DLG5: variants seen among roughly 807,000 people sequenced by gnomAD.
DLG5 encodes disks large homolog 5.
DLG5 carries 48 observed loss-of-function variants against 189.8 expected under a neutral mutation model. That is an observed-to-expected ratio of 0.25 (90% CI 0.20 to 0.32). DLG5 has a LOEUF of 0.32. Ranked by LOEUF, DLG5 falls within the 10% of genes least tolerant of loss-of-function variation. The pLI is 1.00. For missense variants in DLG5, 2,160 were observed against 2,544.7 expected (o/e 0.85, Z 3.25); for synonymous variants, 1,016 against 1,054.1 (o/e 0.96, Z 0.70).
At chr10:77,829,007 T>C in intron 12 of DLG5, 22 bp from the exon 13 acceptor site, 1 of 1,612,280 alleles carries the variant, frequency 6.2e-7, no homozygotes, top group Non-Finnish European at 8.5e-7. Context: ...AGGAGGTCAC[T>C]GGGTAGCCCC....
Position 77,854,308 on chromosome 10 carries a change from G to C in DLG5, c.599C>G (p.Ser200Trp). Reference sequence around the variant, plus strand: ...CTGGTTCTGCAGGCTCTGCAGGTCCGACATGGCTCGCACGCACTGGATCTT... The same window carrying C: ...CTGGTTCTGCAGGCTCTGCAGGTCCCACATGGCTCGCACGCACTGGATCTT... ...RLKIQCVRAM[S>W]DLQSLQNQHT... The change falls in exon 4 of 32, where the codon TCG (serine) becomes TGG (tryptophan). Residue 200 changes from serine to tryptophan, a missense_variant. Ser to Trp is a radical substitution (Grantham distance 177). Coordinates refer to ENST00000372391, the MANE Select transcript of DLG5 (RefSeq NM_004747.4). 6.2e-7 allele frequency: 1 copy of C among 1,614,170 alleles called. No individual in the cohort carries two copies. Among genetic ancestry groups the C allele is most frequent in the Non-Finnish European group, 8.5e-7 (1 of 1,180,038 alleles).
intron 2 of DLG5, chr10:77,866,818 T>C: frequency 5.4e-6 from 2 of 368,354 alleles, no homozygotes; most frequent in East Asian, 7.4e-5. Flanking sequence ...CATTTCCTGA[T>C]TGGTTAAGGT....
At chr10:77,811,281 A>C in intron 22 of DLG5, 47 bp from the exon 23 acceptor site, 10 of 1,582,640 alleles carry the variant, frequency 6.3e-6, no homozygotes, top group Non-Finnish European at 8.6e-6. Flanking sequence ...GAAGCCACCC[A>C]GAGCCACCCC....
rs956032283 is a variant in DLG5 at position 77,817,701 on chromosome 10, A to T, written c.3784+76T>A. On this transcript the variant is annotated intron_variant, in intron 18 of 31. Coordinates refer to ENST00000372391, the MANE Select transcript of DLG5 (RefSeq NM_004747.4). Reference sequence around the variant, plus strand: ...GCTCGTGTGGGGAGCCCACCCGCAGATCTGGACATTAGGATGCAGGCAGAG... The same window carrying T: ...GCTCGTGTGGGGAGCCCACCCGCAGTTCTGGACATTAGGATGCAGGCAGAG... 35 of 1,336,324 alleles carry T rather than the reference A, an allele frequency of 2.6e-5. No homozygotes were observed. In the African/African-American group the frequency reaches 4.2e-4, roughly 16 times the overall value. 82.8% of individuals were successfully genotyped at this position (1,336,324 alleles called of 1,614,324 possible).
At chr10:77,853,644 G>A (rs939875847) in intron 4 of DLG5, 107 bp from the exon 5 acceptor site, 62 of 1,175,684 alleles carry the variant, frequency 5.3e-5, no homozygotes, top group Middle Eastern at 3.0e-4. Context: ...TAGATACAGC[G>A]GACAGGAGCC....
At chr10:77,878,507 G>A (rs942246034) in intron 1 of DLG5, among the ~76,000 whole-genome samples, 1 of 152,154 alleles carries the variant, frequency 6.6e-6, no homozygotes, top group Non-Finnish European at 1.5e-5. Flanking sequence ...GAAGGGACCT[G>A]GAGGACAGTC....
chr10:77,827,175 T>C (rs566969508), intron 13 of DLG5, among the ~76,000 whole-genome samples: 1 of 152,342 alleles, frequency 6.6e-6, no homozygotes, highest in South Asian at 2.1e-4. Flanking sequence ...CCTTTTGTAC[T>C]ACTGGAATTT....
chr10:77,819,291 T>C, intron 17 of DLG5, 30 bp downstream of exon 17: 1 of 1,613,040 alleles, frequency 6.2e-7, no homozygotes. Flanking sequence ...GCAGCTGGAG[T>C]ACAGAGAAGC....
intron 2 of DLG5, among the ~76,000 whole-genome samples, 191 bp from the exon 3 acceptor site, chr10:77,857,083 C>T (rs976442032): frequency 6.6e-6 from 1 of 152,114 alleles, no homozygotes; most frequent in Admixed American, 6.5e-5. Context: ...GAGTGCAGGG[C>T]ATCTGGCTCC....
intron 1 of DLG5, among the ~76,000 whole-genome samples, chr10:77,902,886 T>A (rs977266510): frequency 2.7e-5 from 4 of 149,172 alleles, no homozygotes; most frequent in Admixed American, 6.7e-5. Context: ...AATAAATAAA[T>A]AAATAAATAA....
At chr10:77,875,506 G>T (rs941813131) in intron 1 of DLG5, among the ~76,000 whole-genome samples, 2 of 137,606 alleles carry the variant, frequency 1.5e-5, no homozygotes, top group African/African-American at 2.5e-5. Flanking sequence ...CAAGTGGGAA[G>T]AAAGAGAAGG....
At chr10:77,793,652 C>CCACACTGCTGG (rs1391893575) in intron 31 of DLG5, 6 of 266,012 alleles carry the variant, frequency 2.3e-5, no homozygotes, top group African/African-American at 4.5e-5. Context: ...CCTCCGCTGC[C>CCACACTGCTGG]CACACTGCTG....
chr10:77,847,666 GCA>G (rs146678116), intron 5 of DLG5, among the ~76,000 whole-genome samples: 12 of 151,304 alleles, frequency 7.9e-5, no homozygotes, highest in East Asian at 3.9e-4. Flanking sequence ...ACACGAGTGC[GCA>G]CACACACACA....
At chr10:77,900,395 G>A (rs975340513) in intron 1 of DLG5, among the ~76,000 whole-genome samples, 2 of 152,146 alleles carry the variant, frequency 1.3e-5, no homozygotes, top group African/African-American at 2.4e-5. Context: ...TGCCTGGAAC[G>A]CACCTACCTA....
chr10:77,904,034 G>A (rs1391515276), intron 1 of DLG5, among the ~76,000 whole-genome samples: 1 of 152,178 alleles, frequency 6.6e-6, no homozygotes, highest in Non-Finnish European at 1.5e-5. Flanking sequence ...GTCAAGTGTG[G>A]TGGTGTGCAC....
At position 77,853,389 on chromosome 10, in the gene DLG5, T is replaced by C; in HGVS notation, c.829A>G (p.Lys277Glu). The change falls in exon 5 of 32, where the codon AAG becomes GAG. Residue 277 changes from lysine (K) to glutamate (E), a missense_variant. Lys to Glu is a moderately conservative substitution (Grantham distance 56, BLOSUM62 1). Transcript: ENST00000372391. ...TGGGCACGGAGGTCACCGATCTCCT[T>C]CTGGTCCTCCTCGTGGAGCCGCTTC... is the stretch of plus-strand genomic sequence containing the variant. The part of the protein sequence containing the change: ...DMKRLHEEDQ[K>E]EIGDLRAQQQ... The C allele has an allele frequency of 6.3e-7, 1 of 1,599,144 alleles. No individual in the cohort carries two copies. The highest frequency in any genetic ancestry group is 8.5e-7 in the Non-Finnish European group (1 of 1,172,116).
chr10:77,841,315 C>G (rs969425699), intron 7 of DLG5, among the ~76,000 whole-genome samples: 2 of 152,134 alleles, frequency 1.3e-5, no homozygotes, highest in Non-Finnish European at 2.9e-5. Flanking sequence ...AACATCCCAG[C>G]CCCCCAACCC....
At position 77,817,089 on chromosome 10, in the gene DLG5, C is replaced by G; in HGVS notation, c.3792G>C (p.Ser1264=). 1 of 1,614,152 alleles carries G rather than the reference C, an allele frequency of 6.2e-7. No individual in the cohort carries two copies. Among genetic ancestry groups the G allele is most frequent in the Non-Finnish European group, 8.5e-7 (1 of 1,180,038 alleles). Residue 1264 remains serine, a synonymous_variant, in exon 19 of 32, where the codon TCG becomes TCC. Coordinates refer to ENST00000372391, the MANE Select transcript of DLG5 (RefSeq NM_004747.4). Reference sequence around the variant, plus strand: ...GTTCCGCCTTGAACTGCAAGTTACTCGAAGAACCTATTGTTCCATAAGGGA... The same window carrying G: ...GTTCCGCCTTGAACTGCAAGTTACTGGAAGAACCTATTGTTCCATAAGGGA... The part of the protein sequence containing the change: ...SLPSSARLGS[S]SNLQFKAERI...
Position 77,835,905 on chromosome 10 carries a change from T to G in DLG5, c.1455A>C (p.Thr485=). The change falls in exon 8 of 32, where the codon ACA becomes ACC. Residue 485 remains threonine (T), a synonymous_variant. Transcript: ENST00000372391. ...EALRQIKDTV[T]MDAGRANKEV... is the part of the protein sequence containing the mutation. ...CCTTGTTGGCTCTCCCAGCATCCAT[T>G]GTCACCGTGTCTTTGATCTGGTGGG... 6.2e-7 allele frequency: 1 copy of G among 1,613,056 alleles called. No homozygotes were observed. Among genetic ancestry groups the G allele is most frequent in the South Asian group, 1.1e-5 (1 of 91,034 alleles).
Sources: gnomAD v4.1 joint callset for allele counts (sites outside exome capture counted in the v4.1 genomes callset) on GRCh38, gnomAD v4.1.1 for gene constraint, MANE v1.5 for transcripts, NCBI Gene and HGNC (gene_info 2026-07-23, HGNC 2026-07-21) for gene names.